Variants in LAMC1 observed in about 807,000 individuals in gnomAD.
The protein encoded by LAMC1 is laminin subunit gamma 1.
Under a neutral mutation model 173.6 loss-of-function variants are expected in LAMC1, and 38 were observed. The observed-to-expected ratio is 0.22, with a 90% CI of 0.17 to 0.29. The LOEUF is 0.29. LAMC1 is among the 10% of genes least tolerant of loss of function. The probability of loss-of-function intolerance (pLI) is 1.00; values close to 1 mark genes in which losing one functional copy is unlikely to be tolerated. For missense variants in LAMC1, 1,824 were observed against 2,051.8 expected (o/e 0.89, Z 2.14); for synonymous variants, 746 against 749.1 (o/e 1.00, Z 0.07).
chr1:183,103,607 A>G lies in LAMC1; in HGVS notation c.698A>G (p.Asn233Ser), dbSNP rs370667333. The change falls in exon 2 of 28, where the codon AAC (asparagine) becomes AGC (serine). Residue 233 changes from asparagine to serine, a missense_variant. Physicochemically the swap from Asn to Ser is conservative, Grantham distance 46. Transcript: ENST00000258341. ...CTGGAAGGAAGGCCCAGCGCCTATA[A>G]CTTTGACAATAGCCCTGTGCTGCAG... The part of the protein sequence containing the change: ...STLEGRPSAY[N>S]FDNSPVLQEW... The G allele has an allele frequency of 1.3e-4, 204 of 1,577,430 alleles. No homozygotes were observed. Among genetic ancestry groups the G allele is most frequent in the Non-Finnish European group, 1.7e-4 (193 of 1,163,194 alleles).
intron 1 of LAMC1, among the ~76,000 whole-genome samples, chr1:183,064,642 A>G (rs191526711): frequency 1.2e-4 from 18 of 152,322 alleles, no homozygotes; most frequent in Admixed American, 3.9e-4. Flanking sequence ...TTGTAAAGCA[A>G]AAATTGTAAG....
At chr1:183,039,355 G>A (rs528512595) in intron 1 of LAMC1, among the ~76,000 whole-genome samples, 7 of 152,252 alleles carry the variant, frequency 4.6e-5, no homozygotes, top group East Asian at 1.9e-4. Context: ...GTAAAGGGTC[G>A]TGATCAGTGG....
intron 1 of LAMC1, among the ~76,000 whole-genome samples, chr1:183,056,713 G>T (rs1270848143): frequency 1.3e-5 from 2 of 152,158 alleles, no homozygotes; most frequent in Non-Finnish European, 2.9e-5. Flanking sequence ...AATTGCTTAA[G>T]ATCAGGTTTC....
At chr1:183,031,131 GA>G (rs1653837574) in intron 1 of LAMC1, among the ~76,000 whole-genome samples, 1 of 152,178 alleles carries the variant, frequency 6.6e-6, no homozygotes, top group Admixed American at 6.5e-5. Flanking sequence ...TAAGTTTAGT[GA>G]AGTCATCATG....
rs575684882 is a variant in LAMC1 at position 183,121,791 on chromosome 1, G to A, written c.2059G>A (p.Val687Met). Residue 687 changes from valine to methionine, a missense_variant, in exon 12 of 28, where the codon GTG becomes ATG. By Grantham distance (21) the Val-to-Met change is conservative. Coordinates refer to ENST00000258341, the MANE Select transcript of LAMC1 (RefSeq NM_002293.4). ...RPGPGVPATW[V>M]ESCTCPVGYG... Reference sequence around the variant, plus strand: ...TGGGCCTGGAGTCCCTGCAACTTGGGTGGAGTCCTGCACCTGTCCTGTGGG... The same window carrying A: ...TGGGCCTGGAGTCCCTGCAACTTGGATGGAGTCCTGCACCTGTCCTGTGGG... The A allele has an allele frequency of 6.2e-7, 1 of 1,614,182 alleles. No individual in the cohort carries two copies. The highest frequency in any genetic ancestry group is 8.5e-7 in the Non-Finnish European group (1 of 1,180,022).
intron 1 of LAMC1, among the ~76,000 whole-genome samples, chr1:183,077,776 G>GTGTGTATATATATATATATA: frequency 1.7e-5 from 2 of 116,522 alleles, no homozygotes; most frequent in African/African-American, 2.9e-5. Flanking sequence ...TGGCCATTGT[G>GTGTGTATATATATATATATA]TATATATATA....
At chr1:183,057,589 C>T (rs1032397356) in intron 1 of LAMC1, among the ~76,000 whole-genome samples, 6 of 152,104 alleles carry the variant, frequency 3.9e-5, no homozygotes, top group African/African-American at 1.4e-4. Flanking sequence ...GGTGAAACCC[C>T]GTCTCCACTA....
rs748482319 is a variant in LAMC1, at chr1:183,122,155, G to T, written c.2305G>T (p.Asp769Tyr). The stretch of plus-strand genomic sequence containing the variant: ...AGATTCAACTGCAGGCACCTCCTCC[G>T]ATTGCCAACCCTGTCCGTGTCCTGG... The part of the protein sequence containing the change: ...YGDSTAGTSS[D>Y]CQPCPCPGGS... The change falls in exon 13 of 28, where the codon GAT becomes TAT. Residue 769 changes from aspartate (D) to tyrosine (Y), a missense_variant. Coordinates refer to ENST00000258341, the MANE Select transcript of LAMC1 (RefSeq NM_002293.4). 18 of 1,614,024 alleles carry T rather than the reference G, an allele frequency of 1.1e-5. No individual in the cohort carries two copies. Among genetic ancestry groups the T allele is most frequent in the Non-Finnish European group, 3.4e-6 (4 of 1,180,034 alleles).
At chr1:183,091,902 C>T (rs1187954091) in intron 1 of LAMC1, among the ~76,000 whole-genome samples, 2 of 152,174 alleles carry the variant, frequency 1.3e-5, no homozygotes, top group Non-Finnish European at 2.9e-5. Flanking sequence ...CAGTGCCTGC[C>T]TATAAAGGGT....
At chr1:183,136,681 T>C in intron 25 of LAMC1, 96 bp downstream of exon 25, 1 of 1,035,114 alleles carries the variant, frequency 9.7e-7, no homozygotes, top group Non-Finnish European at 1.4e-6. Context: ...GCAGATTTTT[T>C]TCCTGAACTT....
At chr1:183,058,252 G>A (rs1297938504) in intron 1 of LAMC1, among the ~76,000 whole-genome samples, 1 of 152,156 alleles carries the variant, frequency 6.6e-6, no homozygotes, top group Non-Finnish European at 1.5e-5. Context: ...TTTTTGGTCA[G>A]TTGTTCTATT....
chr1:183,094,939 C>CG (rs11421039), intron 1 of LAMC1, among the ~76,000 whole-genome samples: 77,379 of 151,798 alleles, frequency 0.51, 20,545 homozygotes, highest in South Asian at 0.65. Context: ...CTCTGCCTCC[C>CG]GATTCAAGTG....
chr1:183,111,472 G>T (rs1656151651), intron 4 of LAMC1, among the ~76,000 whole-genome samples: 1 of 152,018 alleles, frequency 6.6e-6, no homozygotes, highest in South Asian at 2.1e-4. Flanking sequence ...CTGTTGGAGA[G>T]GTGGGTAGCT....
At chr1:183,031,407 C>CTATTCT (rs1653846379) in intron 1 of LAMC1, among the ~76,000 whole-genome samples, 1 of 152,148 alleles carries the variant, frequency 6.6e-6, no homozygotes, top group Non-Finnish European at 1.5e-5. Flanking sequence ...TGGGTTCAAG[C>CTATTCT]TATTCTTCTG....
chr1:183,133,535 C>T lies in LAMC1; in HGVS notation c.3834C>T (p.Asp1278=). The change falls in exon 22 of 28, where the codon GAC becomes GAT. Residue 1278 remains aspartate, a synonymous_variant. Transcript: ENST00000258341. ...GCGTGGCTCAGCTGAGCCCTTTGGA[C>T]TCTGAGACACTGGAGGTATGGGGGC... ...YASVAQLSPL[D]SETLENEANN... 1.2e-6 allele frequency: 2 copies of T among 1,612,294 alleles called. No individual in the cohort carries two copies. The highest frequency in any genetic ancestry group is 2.2e-5 in the East Asian group (1 of 44,818).
Position 183,130,390 on chromosome 1 carries a change from T to C in LAMC1, c.3327T>C (p.Thr1109=). 2 of 1,614,200 alleles carry C rather than the reference T, an allele frequency of 1.2e-6. No homozygotes were observed. The highest frequency in any genetic ancestry group is 1.7e-6 in the Non-Finnish European group (2 of 1,180,028). The part of the protein sequence containing the change: ...LMDRLQRVNN[T]LSSQISRLQN... ...ATCGCCTACAGAGAGTGAATAACAC[T>C]CTGTCCAGCCAAATTAGCCGTTTAC... Residue 1109 remains threonine, a synonymous_variant, in exon 19 of 28, where the codon ACT becomes ACC. Coordinates refer to ENST00000258341, the MANE Select transcript of LAMC1 (RefSeq NM_002293.4).
intron 1 of LAMC1, among the ~76,000 whole-genome samples, chr1:183,079,824 G>A (rs570034815): frequency 6.6e-6 from 1 of 152,250 alleles, no homozygotes; most frequent in East Asian, 1.9e-4. Context: ...TAACTAACAA[G>A]CATTATTAGA....
At chr1:183,083,475 G>C (rs761176693) in intron 1 of LAMC1, among the ~76,000 whole-genome samples, 2 of 152,128 alleles carry the variant, frequency 1.3e-5, no homozygotes, top group Non-Finnish European at 2.9e-5. Flanking sequence ...CTTTGGTATA[G>C]GTACTGCTCA....
chr1:183,087,112 T>C (rs1655450079), intron 1 of LAMC1, among the ~76,000 whole-genome samples: 1 of 152,326 alleles, frequency 6.6e-6, no homozygotes, highest in East Asian at 1.9e-4. Context: ...TCATCTGTCA[T>C]ATGGAATTCC....
Sources: allele counts gnomAD v4.1 joint callset (sites outside exome capture counted in the v4.1 genomes callset), GRCh38; gene constraint gnomAD v4.1.1; transcripts MANE v1.5; gene names NCBI Gene and HGNC (gene_info 2026-07-23, HGNC 2026-07-21).